Variants in HS1BP3 observed in about 807,000 individuals in gnomAD.
The protein encoded by HS1BP3 is HCLS1-binding protein 3.
Under a neutral mutation model 33.5 loss-of-function variants are expected in HS1BP3, and 32 were observed. That is an observed-to-expected ratio of 0.95 (90% confidence interval 0.72 to 1.28). The LOEUF (loss-of-function observed/expected upper bound fraction) is 1.28. Among genes scored for constraint, HS1BP3 ranks in the 50% most tolerant of loss-of-function variants. The pLI, the probability that HS1BP3 is intolerant of heterozygous loss-of-function variation, is 0.00. For missense variants in HS1BP3, 486 were observed against 502.3 expected, an observed-to-expected ratio of 0.97 and a Z score of 0.31; for synonymous variants, 187 against 209.2, an observed-to-expected ratio of 0.89 and a Z score of 0.92.
intron 4 of HS1BP3, chr2:20,637,704 C>T (rs57347707): frequency 0.075 from 11,367 of 152,188 alleles, 420 homozygotes; most frequent in Admixed American, 0.11. Context: ...CTAATTTCTA[C>T]TGGGCTCTAA....
chr2:20,596,052 A>G (rs895405669), intron 3 of HS1BP3, among the ~76,000 whole-genome samples: 1 of 152,096 alleles, frequency 6.6e-6, no homozygotes, highest in Non-Finnish European at 1.5e-5. Flanking sequence ...AGGTCTTTTC[A>G]TCAAACCTAG....
At chr2:20,567,991 C>T (rs1693176894) in intron 5 of HS1BP3, among the ~76,000 whole-genome samples, 1 of 152,164 alleles carries the variant, frequency 6.6e-6, no homozygotes, top group Admixed American at 6.5e-5. Context: ...AGCTCCAGCC[C>T]CCTCCTCACC....
intron 2 of HS1BP3, among the ~76,000 whole-genome samples, chr2:20,643,914 C>T (rs1695436131): frequency 6.6e-6 from 1 of 152,162 alleles, no homozygotes; most frequent in African/African-American, 2.4e-5. Context: ...GTCTGGGGAA[C>T]AGAGGGAGAT....
intron 2 of HS1BP3, among the ~76,000 whole-genome samples, chr2:20,606,096 T>G (rs1694170897): frequency 6.6e-6 from 1 of 151,994 alleles, no homozygotes; most frequent in African/African-American, 2.4e-5. Context: ...CTCTACATCC[T>G]CACCAACATT....
intron 4 of HS1BP3, among the ~76,000 whole-genome samples, chr2:20,629,518 G>T (rs1405630777): frequency 6.6e-6 from 1 of 152,220 alleles, no homozygotes; most frequent in Admixed American, 6.5e-5. Flanking sequence ...GGCAAAAGGG[G>T]CTTCAAAGAG....
chr2:20,621,732 G>C (rs10432583), intron 6 of HS1BP3, among the ~76,000 whole-genome samples: 45,538 of 152,258 alleles, frequency 0.3, 7,256 homozygotes, highest in East Asian at 0.54. Context: ...GCAAAGCAGT[G>C]ACTCTTTGGA....
At chr2:20,650,157 C>T (rs1695644855) in intron 1 of HS1BP3, among the ~76,000 whole-genome samples, 1 of 152,206 alleles carries the variant, frequency 6.6e-6, no homozygotes, top group African/African-American at 2.4e-5. Context: ...GACCTGAAGT[C>T]ACGGGGAATT....
chr2:20,595,739 C>T (rs141799005), intron 3 of HS1BP3, among the ~76,000 whole-genome samples: 316 of 152,312 alleles, frequency 2.1e-3, no homozygotes, highest in Middle Eastern at 3.4e-3. Context: ...CCAAGGAAGC[C>T]GCTGGCTGGA....
chr2:20,599,653 GTTTT>G (rs770228556), intron 2 of HS1BP3, among the ~76,000 whole-genome samples: 1 of 116,210 alleles, frequency 8.6e-6, no homozygotes, highest in African/African-American at 3.1e-5. Context: ...CACACACTCT[GTTTT>G]TTTTTTTTTA....
chr2:20,572,326 G>A (rs1693293966), intron 5 of HS1BP3, among the ~76,000 whole-genome samples: 2 of 152,080 alleles, frequency 1.3e-5, no homozygotes, highest in African/African-American at 4.8e-5. Flanking sequence ...CACTTCCTCC[G>A]TCCCTGATGA....
intron 3 of HS1BP3, chr2:20,640,108 C>T (rs1448005454): frequency 1.3e-5 from 2 of 152,350 alleles, no homozygotes; most frequent in Non-Finnish European, 2.9e-5. Flanking sequence ...ACTAGGAGAT[C>T]CACAGTAGCT....
chr2:20,609,091 C>A (rs948729870), intron 2 of HS1BP3, among the ~76,000 whole-genome samples: 6 of 152,224 alleles, frequency 3.9e-5, no homozygotes, highest in Admixed American at 6.5e-5. Flanking sequence ...AACTGATGCC[C>A]ATCCAAGAAA....
At chr2:20,614,316 C>T (rs763608341), downstream of HS1BP3, among the ~76,000 whole-genome samples, 28 of 152,210 alleles carry the variant, frequency 1.8e-4, no homozygotes, top group Non-Finnish European at 3.4e-4. Context: ...TAAAGCCACC[C>T]AGTTTATGGT....
chr2:20,593,049 G>A (rs1254454946), intron 3 of HS1BP3, among the ~76,000 whole-genome samples: 1 of 151,928 alleles, frequency 6.6e-6, no homozygotes, highest in Non-Finnish European at 1.5e-5. Flanking sequence ...CCAACCTCCC[G>A]CTGTCTACCC....
intron 3 of HS1BP3, among the ~76,000 whole-genome samples, chr2:20,597,126 T>C (rs541630652): frequency 1.3e-5 from 2 of 152,176 alleles, no homozygotes; most frequent in Non-Finnish European, 2.9e-5. Flanking sequence ...CCTCAGAACA[T>C]GCAGTTTACA....
the HS1BP3 span, among the ~76,000 whole-genome samples, chr2:20,554,712 A>G: frequency 6.6e-6 from 1 of 151,918 alleles, no homozygotes; most frequent in Non-Finnish European, 1.5e-5. Flanking sequence ...CTCACAAAAA[A>G]AAAAAAAAAA....
At chr2:20,567,700 C>A (rs1693169587) in intron 5 of HS1BP3, among the ~76,000 whole-genome samples, 1 of 152,154 alleles carries the variant, frequency 6.6e-6, no homozygotes, top group African/African-American at 2.4e-5. Context: ...GCCTTTGTGC[C>A]CAGAGGACTG....
In HS1BP3 at chr2:20,623,948, C is replaced by T; in HGVS notation, c.868G>A (p.Gly290Arg). ...SLLLPAACESGGPTPSLSHRD... is the reference protein window; with the variant it reads ...SLLLPAACESRGPTPSLSHRD... Reference sequence around the variant, plus strand: ...TGGCTGAGGCTGGGTGTGGGCCCTCCACTCTCACAGGCGGCTGGCAGCAGG... The same window carrying T: ...TGGCTGAGGCTGGGTGTGGGCCCTCTACTCTCACAGGCGGCTGGCAGCAGG... Residue 290 changes from glycine to arginine, a missense_variant, in exon 6 of 7, where the codon GGA becomes AGA. Physicochemically the swap from Gly to Arg is moderately radical, Grantham distance 125. Coordinates refer to ENST00000304031, the MANE Select transcript of HS1BP3 (RefSeq NM_022460.4). 1.2e-6 allele frequency: 2 copies of T among 1,612,678 alleles called. No homozygotes were observed. The highest frequency in any genetic ancestry group is 1.3e-5 in the African/African-American group (1 of 75,020).
rs185750727 is a variant in HS1BP3, at chr2:20,608,394, G to A, written c.179-10129C>T. 1.9e-3 allele frequency among the ~76,000 whole-genome samples: 285 copies of A among 152,042 alleles called. 3 individuals carry two copies. The highest frequency in any genetic ancestry group is 6.7e-3 in the African/African-American group (278 of 41,476). ...GTTCGAGACCAGCCTGACCAACATGGTGAAACCCCGTCTCTACTAAAAATA... is the reference window on the plus strand; with the variant it reads ...GTTCGAGACCAGCCTGACCAACATGATGAAACCCCGTCTCTACTAAAAATA... On this transcript the variant is annotated intron_variant, in intron 2 of 3. Coordinates refer to the HS1BP3 transcript ENST00000415264.
Sources: gnomAD v4.1 joint callset for allele counts (sites outside exome capture counted in the v4.1 genomes callset) on GRCh38, gnomAD v4.1.1 for gene constraint, MANE v1.5 for transcripts, NCBI Gene and HGNC (gene_info 2026-07-23, HGNC 2026-07-21) for gene names.